FAM193A: variants seen among roughly 807,000 people sequenced by gnomAD.
FAM193A encodes the protein family with sequence similarity 193 member A, also known as protein FAM193A.
A neutral mutation model predicts 126.5 loss-of-function variants in FAM193A; 22 were observed. The observed-to-expected ratio is 0.17, with a 90% CI of 0.12 to 0.25. The LOEUF is 0.25. FAM193A is among the 10% of genes least tolerant of loss of function. FAM193A has a pLI of 1.00. For missense variants in FAM193A, 1,675 were observed against 1,672.8 expected (o/e 1.00, Z -0.02); for synonymous variants, 761 against 646.8 (o/e 1.18, Z -2.68).
At chr4:2,673,191 C>A (rs1714019747) in intron 13 of FAM193A, among the ~76,000 whole-genome samples, 1 of 151,968 alleles carries the variant, frequency 6.6e-6, no homozygotes, top group South Asian at 2.1e-4. Context: ...TTATTCTTGT[C>A]CAAAGGTAGC....
At chr4:2,694,694 A>T (rs1460118973) in intron 16 of FAM193A, among the ~76,000 whole-genome samples, 1 of 152,130 alleles carries the variant, frequency 6.6e-6, no homozygotes, top group Non-Finnish European at 1.5e-5. Context: ...CATTGGAGAG[A>T]CTACGTGTTC....
intron 2 of FAM193A, among the ~76,000 whole-genome samples, chr4:2,624,060 T>G (rs1742726720): frequency 6.6e-6 from 1 of 152,124 alleles, no homozygotes; most frequent in Non-Finnish European, 1.5e-5. Context: ...GGAGCCTTGG[T>G]GCCGATGGAA....
In FAM193A at chr4:2,637,162, A is replaced by G. The variant is rs933647301; in HGVS notation, c.1039-2573A>G. ...GGCAACATGGTGAGATCCCGTCTCT[A>G]CAGAAGATACAAAAATTAGCTGAGC... On this transcript the variant is annotated intron_variant, in intron 5 of 20. Coordinates refer to ENST00000637812, the MANE Select transcript of FAM193A (RefSeq NM_001366318.2). Among the ~76,000 whole-genome samples the G allele has an allele frequency of 1.1e-4, 17 of 152,148 alleles. 1 individual carries two copies. The highest frequency in any genetic ancestry group is 8.5e-4 in the Admixed American group (13 of 15,274).
intron 1 of FAM193A, among the ~76,000 whole-genome samples, chr4:2,548,128 G>A (rs890150337): frequency 6.8e-6 from 1 of 147,152 alleles, no homozygotes; most frequent in Non-Finnish European, 1.5e-5. Flanking sequence ...CTGGAGTGCA[G>A]TGGCACGATC....
In FAM193A at chr4:2,696,152, T is replaced by C. The variant is rs562407519; in HGVS notation, c.3277-211T>C. 3.6e-5 allele frequency: 18 copies of C among 495,012 alleles called. No homozygotes were observed. The South Asian group carries it at 4.6e-4, about 13-fold the overall frequency. The allele number at this position is 495,012 out of a possible 1,614,324, so 30.7% of individuals were successfully genotyped here. The stretch of plus-strand genomic sequence containing the variant: ...TGCTTTATCAGGTTTTTCATGAATA[T>C]GTAAAATTTGAGAGTAGGTATCAAA... On this transcript the variant is annotated intron_variant, in intron 17 of 20. Transcript: ENST00000637812.
At chr4:2,642,603 G>A (rs1744746060) in intron 6 of FAM193A, among the ~76,000 whole-genome samples, 1 of 151,582 alleles carries the variant, frequency 6.6e-6, no homozygotes, top group South Asian at 2.1e-4. Context: ...TGGGAGAGGG[G>A]CTCTGAAAAC....
At chr4:2,658,681 A>G (rs141965204) in intron 8 of FAM193A, among the ~76,000 whole-genome samples, 2 of 152,266 alleles carry the variant, frequency 1.3e-5, no homozygotes, top group East Asian at 3.9e-4. Flanking sequence ...CCACAGGTAT[A>G]CAGATGGCAC....
chr4:2,677,807 G>A (rs1714599721), intron 13 of FAM193A, among the ~76,000 whole-genome samples: 1 of 152,080 alleles, frequency 6.6e-6, no homozygotes, highest in African/African-American at 2.4e-5. Context: ...TGAATTTAGG[G>A]TGGATTTTTC....
At chr4:2,604,339 A>T (rs1741399467) in intron 2 of FAM193A, among the ~76,000 whole-genome samples, 1 of 151,916 alleles carries the variant, frequency 6.6e-6, no homozygotes, top group Admixed American at 6.6e-5. Context: ...AAGGCTCAGG[A>T]CCTCATTAAT....
At chr4:2,723,957 C>T (rs1291803337) in intron 20 of FAM193A, among the ~76,000 whole-genome samples, 1 of 152,106 alleles carries the variant, frequency 6.6e-6, no homozygotes, top group Non-Finnish European at 1.5e-5. Flanking sequence ...TGCTCCACCA[C>T]CCGCTGCCTG....
intron 16 of FAM193A, 56 bp from the exon 17 acceptor site, chr4:2,694,890 G>C (rs1716854921): frequency 6.9e-7 from 1 of 1,458,978 alleles, no homozygotes; most frequent in Admixed American, 2.3e-5. Context: ...GCAACAATGT[G>C]AGTCATTGCC....
At position 2,596,307 on chromosome 4, in the gene FAM193A, A is replaced by G. The variant is rs892028437; in HGVS notation, c.479A>G (p.His160Arg). 1.4e-6 allele frequency: 1 copy of G among 702,712 alleles called. No individual in the cohort carries two copies. The highest frequency in any genetic ancestry group is 2.6e-6 in the Non-Finnish European group (1 of 384,992). The allele number at this position is 702,712 out of a possible 1,614,324, so 43.5% of individuals were successfully genotyped here. A position where few individuals can be genotyped will look rare whatever the true frequency, so the allele number is the denominator to read the frequency against. The change falls in exon 2 of 21, where the codon CAT (histidine) becomes CGT (arginine). Residue 160 changes from histidine (H) to arginine (R), a missense_variant. Transcript: ENST00000637812. ...AGGACCGTGGAGAAGGAGGAGAGGCATGGCGGCCTTGACCAGCCAGTGGTG... is the reference window on the plus strand; with the variant it reads ...AGGACCGTGGAGAAGGAGGAGAGGCGTGGCGGCCTTGACCAGCCAGTGGTG... ...CRRTVEKEER[H>R]GGLDQPVSQD...
At chr4:2,625,442 T>C in intron 3 of FAM193A, 47 bp downstream of exon 3, 1 of 669,854 alleles carries the variant, frequency 1.5e-6, no homozygotes, top group Non-Finnish European at 2.8e-6. Flanking sequence ...CACAATGACA[T>C]GCAGACCTGC....
At chr4:2,575,948 C>A (rs1431596794) in intron 1 of FAM193A, among the ~76,000 whole-genome samples, 1 of 152,114 alleles carries the variant, frequency 6.6e-6, no homozygotes, top group African/African-American at 2.4e-5. Context: ...TCTCTGCCCT[C>A]AGGAGGCTTA....
rs539692829 is a variant in FAM193A, at chr4:2,641,317, G to C, written c.1163+1458G>C. ...CTGCCTCAGCCTCCCAAAGTGCTAG[G>C]ATTACAGGCATGACCCACCATGCCC... On this transcript the variant is annotated intron_variant, in intron 6 of 20. Coordinates refer to ENST00000637812, the MANE Select transcript of FAM193A (RefSeq NM_001366318.2). 1.1e-4 allele frequency among the ~76,000 whole-genome samples: 17 copies of C among 151,860 alleles called. No individual in the cohort carries two copies. The East Asian group carries it at 3.4e-3, about 30-fold the overall frequency.
chr4:2,648,495 C>T (rs1244711398), intron 7 of FAM193A, among the ~76,000 whole-genome samples: 1 of 152,218 alleles, frequency 6.6e-6, no homozygotes, highest in East Asian at 1.9e-4. Context: ...TCTGTTTTTG[C>T]AACCAGAGAC....
chr4:2,683,407 G>T (rs978668501), intron 13 of FAM193A, among the ~76,000 whole-genome samples: 1 of 151,906 alleles, frequency 6.6e-6, no homozygotes, highest in Non-Finnish European at 1.5e-5. Flanking sequence ...TGATGCTCCT[G>T]TCTCAGCCTC....
chr4:2,603,316 C>T (rs1241226422), intron 2 of FAM193A, among the ~76,000 whole-genome samples: 3 of 143,670 alleles, frequency 2.1e-5, no homozygotes, highest in African/African-American at 5.1e-5. Flanking sequence ...TGGAGTTTCA[C>T]GCTTGTTGCC....
intron 1 of FAM193A, among the ~76,000 whole-genome samples, chr4:2,543,183 G>A (rs1368797650): frequency 6.6e-6 from 1 of 151,868 alleles, no homozygotes; most frequent in Non-Finnish European, 1.5e-5. Flanking sequence ...CGCCTCCCGG[G>A]TTCAAGTGAT....
Sources: allele counts gnomAD v4.1 joint callset (sites outside exome capture counted in the v4.1 genomes callset), GRCh38; gene constraint gnomAD v4.1.1; transcripts MANE v1.5; gene names NCBI Gene and HGNC (gene_info 2026-07-23, HGNC 2026-07-21).